Variants in CENPE observed in about 807,000 individuals in gnomAD.
CENPE encodes centromere protein E.
CENPE carries 145 observed loss-of-function variants against 336.1 expected under a neutral mutation model. That is an observed-to-expected ratio of 0.43 (90% CI 0.38 to 0.50). The LOEUF is 0.50. Ranked by LOEUF, CENPE falls within the 20% of genes least tolerant of loss-of-function variation. The probability of loss-of-function intolerance (pLI) is 0.00; values close to 1 mark genes in which losing one functional copy is unlikely to be tolerated. For synonymous variants in CENPE, 1,013 were observed against 984.8 expected (o/e 1.03, Z -0.54); for missense variants, 2,719 against 3,023.3 (o/e 0.90, Z 2.36).
At chr4:103,188,927 T>A (rs901493020) in intron 8 of CENPE, among the ~76,000 whole-genome samples, 32 of 151,210 alleles carry the variant, frequency 2.1e-4, no homozygotes, top group African/African-American at 7.1e-4. Context: ...GAGAGAAGAA[T>A]CAAATAGACC....
chr4:103,144,459 T>C lies in CENPE; in HGVS notation c.5017A>G (p.Ile1673Val), dbSNP rs1176599470. ...IETENIRLTQ[I>V]LHENLEEMRS... is the part of the protein sequence containing the mutation. ...ATTTCTTCAAGGTTTTCATGTAGTATCTGAGTCAACCTTATATTCTCCGTT... is the reference window on the plus strand; with the variant it reads ...ATTTCTTCAAGGTTTTCATGTAGTACCTGAGTCAACCTTATATTCTCCGTT... The change falls in exon 33 of 49, where the codon ATA (isoleucine) becomes GTA (valine). Residue 1673 changes from isoleucine to valine, a missense_variant. Physicochemically the swap from Ile to Val is conservative, Grantham distance 29. This residue lies in a region of CENPE where 2,437 missense variants were observed against 2,513.3 expected (regional missense o/e 0.97). Coordinates refer to ENST00000265148, the MANE Select transcript of CENPE (RefSeq NM_001813.3). 3 of 1,614,074 alleles carry C rather than the reference T, an allele frequency of 1.9e-6. No homozygotes were observed. Among genetic ancestry groups the C allele is most frequent in the African/African-American group, 2.7e-5 (2 of 74,938 alleles).
intron 24 of CENPE, among the ~76,000 whole-genome samples, chr4:103,154,017 C>T (rs765729326): frequency 2.0e-5 from 3 of 151,964 alleles, no homozygotes; most frequent in African/African-American, 7.3e-5. Flanking sequence ...CCAAATGTAA[C>T]CTAATACGTG....
Position 103,136,137 on chromosome 4 carries a change from G to A in CENPE, c.6522+4C>T. On this transcript the variant is annotated splice_donor_region_variant and intron_variant, in intron 40 of 48. Transcript: ENST00000265148. ...TAAAAGGATATTACTAAAAAAGATG[G>A]TACCTTCAGTTTCTTCATGATTCTG... 1 of 1,605,848 alleles carries A rather than the reference G, an allele frequency of 6.2e-7. No homozygotes were observed. The highest frequency in any genetic ancestry group is 1.1e-5 in the South Asian group (1 of 89,836).
chr4:103,114,375 C>G (rs556287077), intron 46 of CENPE, 80 bp downstream of exon 46: 17 of 835,614 alleles, frequency 2.0e-5, no homozygotes, highest in South Asian at 1.8e-4. Flanking sequence ...CTGTCACATA[C>G]TACATAATAT....
chr4:103,108,457 G>A (rs1003354432), intron 48 of CENPE, among the ~76,000 whole-genome samples: 1 of 152,058 alleles, frequency 6.6e-6, no homozygotes, highest in Non-Finnish European at 1.5e-5. Context: ...TAAATATAAT[G>A]CTATTGGATA....
Position 103,106,333 on chromosome 4 carries a change from AAAC to A in CENPE, c.8012-20_8012-18del. The A allele has an allele frequency of 1.3e-6, 2 of 1,573,856 alleles. No homozygotes were observed. Among genetic ancestry groups the A allele is most frequent in the South Asian group, 2.3e-5 (2 of 85,360 alleles). ...TTTGCACCTCTGAGAAAGAAAATGA[AAAC>A]AACATTCATCCTATTACAAAAATAC... On this transcript the variant is annotated intron_variant, in intron 48 of 48. Transcript: ENST00000265148.
Position 103,176,062 on chromosome 4 carries a change from A to G in CENPE, c.1391-14T>C, listed in dbSNP as rs770236246. The G allele has an allele frequency of 1.3e-6, 2 of 1,520,384 alleles. No homozygotes were observed. Among genetic ancestry groups the G allele is most frequent in the East Asian group, 2.3e-5 (1 of 43,510 alleles). The allele number at this position is 1,520,384 out of a possible 1,614,324, so 94.2% of individuals were successfully genotyped here. On this transcript the variant is annotated splice_polypyrimidine_tract_variant and intron_variant, in intron 14 of 48. Transcript: ENST00000265148. ...CTGAACAGACAGCTATAATTAGAGA[A>G]AAAAAAAATTTGTCCATGAACATGT...
intron 16 of CENPE, among the ~76,000 whole-genome samples, chr4:103,167,606 C>A (rs749196421): frequency 4.6e-5 from 7 of 152,170 alleles, no homozygotes; most frequent in African/African-American, 7.2e-5. Flanking sequence ...AACAAGAATT[C>A]TGTACCTATT....
intron 44 of CENPE, among the ~76,000 whole-genome samples, chr4:103,117,901 T>C (rs1231082656): frequency 4.6e-5 from 7 of 152,214 alleles, no homozygotes; most frequent in Non-Finnish European, 1.5e-5. Context: ...GTGTTGGGAT[T>C]ACAGGCATGA....
intron 42 of CENPE, 23 bp downstream of exon 42, chr4:103,132,670 G>A (rs1227900454): frequency 2.4e-6 from 3 of 1,257,716 alleles, no homozygotes; most frequent in Non-Finnish European, 3.3e-6. Context: ...CAAAAAAGTA[G>A]TACAGCAAAA....
At chr4:103,183,623 C>T (rs1756504763) in intron 9 of CENPE, among the ~76,000 whole-genome samples, 2 of 152,072 alleles carry the variant, frequency 1.3e-5, no homozygotes, top group Admixed American at 1.3e-4. Flanking sequence ...TAAATATAGG[C>T]AACTATGAAC....
At chr4:103,160,867 G>A (rs753920211) in intron 20 of CENPE, 88 bp from the exon 21 acceptor site, 7 of 1,202,530 alleles carry the variant, frequency 5.8e-6, no homozygotes, top group Non-Finnish European at 8.1e-6. Flanking sequence ...CCTTTTTCAG[G>A]ATCAGGTAAA....
intron 42 of CENPE, among the ~76,000 whole-genome samples, chr4:103,124,714 G>A (rs907087755): frequency 5.9e-5 from 9 of 152,162 alleles, no homozygotes; most frequent in Admixed American, 6.5e-5. Flanking sequence ...AATTCCTGCA[G>A]ATTGTACTTT....
In CENPE at chr4:103,145,209, A is replaced by G. The variant is rs982904248; in HGVS notation, c.4698T>C (p.Ser1566=). Residue 1566 remains serine, a synonymous_variant, in exon 32 of 49, where the codon AGT becomes AGC. Transcript: ENST00000265148. ...HRKAKDSALQ[S]IESKMLELTN... Reference sequence around the variant, plus strand: ...TCAACTCGAGCATCTTACTTTCTATACTTTGTAGTGCTGAATCCTTGGCTT... The same window carrying G: ...TCAACTCGAGCATCTTACTTTCTATGCTTTGTAGTGCTGAATCCTTGGCTT... The G allele has an allele frequency of 3.1e-6, 5 of 1,613,352 alleles. No individual in the cohort carries two copies. In the African/African-American group the frequency reaches 6.7e-5, roughly 22 times the overall value.
intron 24 of CENPE, among the ~76,000 whole-genome samples, chr4:103,153,700 G>A (rs1753745430): frequency 6.6e-6 from 1 of 152,100 alleles, no homozygotes; most frequent in Non-Finnish European, 1.5e-5. Context: ...TATTTTCCAA[G>A]TTTCATTCTA....
rs1655420568 is a variant in CENPE, at chr4:103,144,381, T to C, written c.5095A>G (p.Lys1699Glu). 2.5e-6 allele frequency: 4 copies of C among 1,613,390 alleles called. No homozygotes were observed. Among genetic ancestry groups the C allele is most frequent in the African/African-American group, 2.7e-5 (2 of 74,924 alleles). Residue 1699 changes from lysine to glutamate, a missense_variant, in exon 33 of 49, where the codon AAA becomes GAA. Coordinates refer to ENST00000265148, the MANE Select transcript of CENPE (RefSeq NM_001813.3). ...TCCTTGAGCTGGTCTCTCTCTACTT[T>C]GAGAGTCTCCTCCACACTCCTAAGG... ...DDLRSVEETL[K>E]VERDQLKENL...
chr4:103,191,876 A>G (rs1040953495), intron 8 of CENPE, among the ~76,000 whole-genome samples: 4 of 152,228 alleles, frequency 2.6e-5, no homozygotes, highest in Admixed American at 6.5e-5. Flanking sequence ...GACTCTCACA[A>G]TGGATCCACT....
intron 41 of CENPE, among the ~76,000 whole-genome samples, chr4:103,133,125 T>C (rs1157962585): frequency 3.3e-5 from 5 of 152,004 alleles, no homozygotes; most frequent in Admixed American, 6.6e-5. Context: ...ATTTTGGCAG[T>C]ATACATGATG....
At chr4:103,156,163 G>T (rs72946159) in intron 24 of CENPE, among the ~76,000 whole-genome samples, 2 of 152,070 alleles carry the variant, frequency 1.3e-5, no homozygotes, top group African/African-American at 4.8e-5. Context: ...CAATACTACC[G>T]AACAATCTAC....
Sources: allele counts gnomAD v4.1 joint callset (sites outside exome capture counted in the v4.1 genomes callset), GRCh38; gene constraint gnomAD v4.1.1; regional missense constraint gnomAD v4.1.1; transcripts MANE v1.5; gene names NCBI Gene and HGNC (gene_info 2026-07-23, HGNC 2026-07-21).